RNF169: variants seen among roughly 807,000 people sequenced by gnomAD.
RNF169 encodes ring finger protein 169, also known as E3 ubiquitin-protein ligase RNF169.
Under a neutral mutation model 53.9 loss-of-function variants are expected in RNF169, and 24 were observed. The ratio of observed to expected loss-of-function variants is 0.45; its 90% CI spans 0.32 to 0.63. RNF169 has a LOEUF of 0.63. Among genes scored for constraint, RNF169 ranks in the 20% least tolerant of loss-of-function variants. The probability of loss-of-function intolerance (pLI) is 0.04; values close to 1 mark genes in which losing one functional copy is unlikely to be tolerated. For synonymous variants in RNF169, 396 were observed against 363.5 expected (o/e 1.09, Z -1.02); for missense variants, 883 against 906.2 (o/e 0.97, Z 0.33).
chr11:74,803,053 T>C (rs530255950), intron 2 of RNF169, among the ~76,000 whole-genome samples: 1 of 151,332 alleles, frequency 6.6e-6, no homozygotes, highest in Non-Finnish European at 1.5e-5. Context: ...CCTGAGTAGC[T>C]GGGACTACAG....
chr11:74,766,284 A>G (rs2035173404), intron 1 of RNF169, among the ~76,000 whole-genome samples: 1 of 152,234 alleles, frequency 6.6e-6, no homozygotes, highest in African/African-American at 2.4e-5. Context: ...AATGAGCAAA[A>G]TGCAGAATAT....
At chr11:74,767,677 C>T (rs1160602843) in intron 1 of RNF169, among the ~76,000 whole-genome samples, 1 of 152,142 alleles carries the variant, frequency 6.6e-6, no homozygotes, top group African/African-American at 2.4e-5. Flanking sequence ...TCACGCCATT[C>T]TCCTGCCTCA....
intron 1 of RNF169, among the ~76,000 whole-genome samples, chr11:74,765,998 C>G (rs990542313): frequency 6.6e-6 from 1 of 151,842 alleles, no homozygotes; most frequent in African/African-American, 2.4e-5. Flanking sequence ...AGATTAAGAT[C>G]TATAACCCTA....
intron 4 of RNF169, among the ~76,000 whole-genome samples, chr11:74,817,957 A>G (rs758100199): frequency 6.6e-6 from 1 of 152,170 alleles, no homozygotes; most frequent in South Asian, 2.1e-4. Context: ...CTGTGCTGCA[A>G]AGTGTGACCC....
intron 4 of RNF169, among the ~76,000 whole-genome samples, chr11:74,822,008 GGT>G (rs1049524443): frequency 4.0e-5 from 6 of 151,202 alleles, no homozygotes; most frequent in Middle Eastern, 6.9e-3. Flanking sequence ...TTCACTCCAG[GGT>G]GTGTGTGTGT....
chr11:74,791,885 G>A (rs559818355), intron 2 of RNF169, among the ~76,000 whole-genome samples: 9 of 152,328 alleles, frequency 5.9e-5, no homozygotes, highest in South Asian at 2.1e-4. Flanking sequence ...GACACCTGCC[G>A]GCTCCGTGGA....
chr11:74,760,800 G>GTCTCT (rs2035069207), intron 1 of RNF169, among the ~76,000 whole-genome samples: 3 of 121,158 alleles, frequency 2.5e-5, no homozygotes, highest in Non-Finnish European at 5.1e-5. Context: ...GATTTGGGGT[G>GTCTCT]GAGAGTTCTG....
chr11:74,779,475 G>T (rs924402908), intron 1 of RNF169, among the ~76,000 whole-genome samples: 1 of 152,094 alleles, frequency 6.6e-6, no homozygotes. Flanking sequence ...ACTGTTACTT[G>T]TCTTAGGCAA....
intron 2 of RNF169, among the ~76,000 whole-genome samples, chr11:74,802,927 T>TG (rs551287964): frequency 0.014 from 1,123 of 82,306 alleles, 8 homozygotes; most frequent in African/African-American, 0.035. Flanking sequence ...TAATTTTTTT[T>TG]GGGGGGGGGT....
intron 2 of RNF169, among the ~76,000 whole-genome samples, chr11:74,790,964 T>C (rs1335565885): frequency 4.6e-5 from 7 of 152,250 alleles, no homozygotes; most frequent in African/African-American, 9.6e-5. Flanking sequence ...GTTTGTGTTA[T>C]AGCTGTTTCT....
intron 1 of RNF169, among the ~76,000 whole-genome samples, chr11:74,756,064 C>T (rs2034977820): frequency 6.6e-6 from 1 of 152,162 alleles, no homozygotes. Flanking sequence ...AGGCAAGCGA[C>T]GAAGAGGGCC....
chr11:74,836,425 G>C lies in RNF169; in HGVS notation c.1822G>C (p.Glu608Gln). ...TGATCTGACTAATGGTGTTCTAGTT[G>C]AGAGCCTAAGTGAAGAGCCACTTCC... ...HFDLTNGVLVESLSEEPLPSL... is the reference protein window; with the variant it reads ...HFDLTNGVLVQSLSEEPLPSL... Residue 608 changes from glutamate to glutamine, a missense_variant, in exon 6 of 6, where the codon GAG (glutamate) becomes CAG (glutamine). By Grantham distance (29) the Glu-to-Gln change is conservative. Transcript: ENST00000299563. 6.2e-7 allele frequency: 1 copy of C among 1,614,212 alleles called. No individual in the cohort carries two copies. Among genetic ancestry groups the C allele is most frequent in the African/African-American group, 1.3e-5 (1 of 75,052 alleles).
chr11:74,838,779 T>G lies in RNF169; in HGVS notation c.*2049T>G, dbSNP rs2036295270. 6.6e-6 allele frequency: 1 copy of G among 152,236 alleles called. No individual in the cohort carries two copies. Among genetic ancestry groups the G allele is most frequent in the African/African-American group, 2.4e-5 (1 of 41,462 alleles). 9.4% of individuals were successfully genotyped at this position (152,236 alleles called of 1,614,324 possible). ...CAAAACAGAAGAGCTGGCTCTGGTT[T>G]ACAGAAGACAGGGAGGGTGACCTTA... On this transcript the variant is annotated 3_prime_UTR_variant, in exon 6 of 6. Transcript: ENST00000299563.
In RNF169 at chr11:74,748,935, C is replaced by A; in HGVS notation, c.55C>A (p.Leu19Met). 1.4e-6 allele frequency: 2 copies of A among 1,466,946 alleles called. No individual in the cohort carries two copies. Among genetic ancestry groups the A allele is most frequent in the Non-Finnish European group, 1.8e-6 (2 of 1,099,214 alleles). The allele number at this position is 1,466,946 out of a possible 1,614,324, so 90.9% of individuals were successfully genotyped here. Residue 19 changes from leucine to methionine, a missense_variant, in exon 1 of 6, where the codon CTG (leucine) becomes ATG (methionine). By Grantham distance (15) the Leu-to-Met change is conservative. Transcript: ENST00000299563. ...CTCTTCCGCGGCGGCAGCAGCCGCT[C>A]TGAGTCGGCGGGGCCGGCGGGGCCG... is the stretch of plus-strand genomic sequence containing the variant. ...RASSAAAAAA[L>M]SRRGRRGRCD...
intron 2 of RNF169, among the ~76,000 whole-genome samples, chr11:74,791,991 T>G (rs1459282032): frequency 6.6e-6 from 1 of 152,214 alleles, no homozygotes; most frequent in African/African-American, 2.4e-5. Flanking sequence ...TGTGGTATAT[T>G]TCACTGAATG....
chr11:74,789,761 G>A, intron 2 of RNF169, 62 bp downstream of exon 2: 1 of 1,104,512 alleles, frequency 9.1e-7, no homozygotes, highest in South Asian at 1.4e-5. Context: ...ATTAAAGAAT[G>A]CTTAGTGGGA....
intron 3 of RNF169, among the ~76,000 whole-genome samples, chr11:74,813,981 C>T (rs572689424): frequency 5.9e-5 from 9 of 152,160 alleles, no homozygotes; most frequent in Non-Finnish European, 1.2e-4. Flanking sequence ...TGAGCCACTG[C>T]GCCCGGCCTA....
chr11:74,834,251 G>C (rs2036218862), intron 4 of RNF169, among the ~76,000 whole-genome samples: 2 of 152,204 alleles, frequency 1.3e-5, no homozygotes, highest in Admixed American at 6.5e-5. Flanking sequence ...ATGCACTGCT[G>C]TGCATTTTTG....
chr11:74,816,764 AG>A (rs2035946168), intron 3 of RNF169, among the ~76,000 whole-genome samples: 1 of 152,168 alleles, frequency 6.6e-6, no homozygotes, highest in African/African-American at 2.4e-5. Flanking sequence ...GTTGTACTAG[AG>A]CTCAGGGAGT....
Sources: allele counts gnomAD v4.1 joint callset (sites outside exome capture counted in the v4.1 genomes callset), GRCh38; gene constraint gnomAD v4.1.1; transcripts MANE v1.5; gene names NCBI Gene and HGNC (gene_info 2026-07-23, HGNC 2026-07-21).